Variants in SLC22A16 observed in about 807,000 individuals in gnomAD.
SLC22A16 encodes solute carrier family 22 member 16.
Under a neutral mutation model 52.9 loss-of-function variants are expected in SLC22A16, and 53 were observed. That is an observed-to-expected ratio of 1.00 (90% CI 0.80 to 1.26). The LOEUF (loss-of-function observed/expected upper bound fraction) is 1.26. SLC22A16 is among the 50% of genes most tolerant of loss of function. SLC22A16 has a pLI of 0.00. For missense variants in SLC22A16, 726 were observed against 704.0 expected (o/e 1.03, Z -0.35); for synonymous variants, 291 against 268.8 (o/e 1.08, Z -0.81).
rs549268080 is a variant in SLC22A16, at chr6:110,446,906, G to T, written c.618C>A (p.Tyr206Ter). Reference protein sequence around the residue: ...GIAAAFAVDYYTFMAARFFLA... With the variant: ...GIAAAFAVDY ...GAAAAAAGCGAGCAGCCATGAAGGT[G>T]TAATAATCAACTGCAAACGCCGCTG... Residue 206 changes from tyrosine to a stop codon, truncating the protein, a stop_gained, in exon 3 of 8, where the codon TAC (tyrosine) becomes TAA (stop). Coordinates refer to ENST00000368919, the MANE Select transcript of SLC22A16 (RefSeq NM_033125.4). LOFTEE classifies it high-confidence loss of function. The T allele has an allele frequency of 4.3e-6, 7 of 1,613,028 alleles. No homozygotes were observed. The Admixed American group carries it at 6.7e-5, about 15-fold the overall frequency.
chr6:110,453,811 C>A lies in SLC22A16; in HGVS notation c.533+2727G>T, dbSNP rs1226187385. On this transcript the variant is annotated intron_variant, in intron 2 of 7. Transcript: ENST00000368919. ...AAAGAGGTTTATTTAGCTCATAGTTCTGCAGGCTGGGAAGATCAAGGGTAC... is the reference window on the plus strand; with the variant it reads ...AAAGAGGTTTATTTAGCTCATAGTTATGCAGGCTGGGAAGATCAAGGGTAC... 12 of 420,940 alleles carry A rather than the reference C, an allele frequency of 2.9e-5. No individual in the cohort carries two copies. The East Asian group carries it at 8.5e-4, about 30-fold the overall frequency. The allele number at this position is 420,940 out of a possible 1,614,324, so 26.1% of individuals were successfully genotyped here. A position where few individuals can be genotyped will look rare whatever the true frequency, so the allele number is the denominator to read the frequency against.
chr6:110,473,875 T>C (rs948017417), intron 1 of SLC22A16, among the ~76,000 whole-genome samples: 1 of 151,934 alleles, frequency 6.6e-6, no homozygotes, highest in Non-Finnish European at 1.5e-5. Flanking sequence ...ATTCTAGAAA[T>C]GACCAATGAG....
intron 2 of SLC22A16, among the ~76,000 whole-genome samples, chr6:110,447,522 A>G (rs915931827): frequency 1.3e-5 from 2 of 152,254 alleles, no homozygotes; most frequent in Non-Finnish European, 2.9e-5. Flanking sequence ...TTCAAATGCC[A>G]TAAAATTCAA....
At chr6:110,444,995 T>G (rs1421345049) in intron 3 of SLC22A16, among the ~76,000 whole-genome samples, 1 of 152,170 alleles carries the variant, frequency 6.6e-6, no homozygotes, top group Non-Finnish European at 1.5e-5. Context: ...AGAAAATCCA[T>G]ATACAACTAA....
chr6:110,467,509 G>A (rs999946303), intron 1 of SLC22A16, among the ~76,000 whole-genome samples: 2 of 152,186 alleles, frequency 1.3e-5, no homozygotes, highest in Admixed American at 6.5e-5. Context: ...AGTCACTTTA[G>A]TATCTCCTGT....
chr6:110,426,773 A>G (rs2114870706), intron 7 of SLC22A16, among the ~76,000 whole-genome samples: 1 of 152,274 alleles, frequency 6.6e-6, no homozygotes, highest in South Asian at 2.1e-4. Flanking sequence ...CAACATGGTG[A>G]AACTCTGTCT....
chr6:110,429,972 C>T (rs78005951), intron 7 of SLC22A16, among the ~76,000 whole-genome samples: 3,005 of 151,966 alleles, frequency 0.02, 94 homozygotes, highest in African/African-American at 0.067. Flanking sequence ...GGAGGGGAAG[C>T]TGCATGAGGA....
In SLC22A16 at chr6:110,448,671, C is replaced by T. The variant is rs551398742; in HGVS notation, c.534-1681G>A. Among the ~76,000 whole-genome samples, 21 of 152,288 alleles carry T rather than the reference C, an allele frequency of 1.4e-4. 1 individual carries two copies. In the South Asian group the frequency reaches 3.7e-3, roughly 27 times the overall value. ...CTAAAACTATTTTTACCTATCACTG[C>T]TTGACCCTCTCTCCCACCTCAAACA... is the stretch of plus-strand genomic sequence containing the variant. On this transcript the variant is annotated intron_variant, in intron 2 of 7. Transcript: ENST00000368919.
At chr6:110,460,164 C>A (rs900080595) in intron 1 of SLC22A16, among the ~76,000 whole-genome samples, 1 of 152,172 alleles carries the variant, frequency 6.6e-6, no homozygotes, top group African/African-American at 2.4e-5. Context: ...GACCTGCCCA[C>A]CCCGCTGCAT....
intron 1 of SLC22A16, among the ~76,000 whole-genome samples, chr6:110,467,184 C>G (rs997354971): frequency 6.6e-6 from 1 of 152,116 alleles, no homozygotes; most frequent in African/African-American, 2.4e-5. Context: ...TCCTCTCTCT[C>G]TGCGTTTTTT....
intron 7 of SLC22A16, among the ~76,000 whole-genome samples, chr6:110,426,807 G>A (rs951185634): frequency 1.3e-5 from 2 of 151,866 alleles, no homozygotes; most frequent in Non-Finnish European, 2.9e-5. Flanking sequence ...AAAATTAGCC[G>A]GGCGAGGTGG....
chr6:110,456,232 A>T, intron 2 of SLC22A16: 1 of 314,166 alleles, frequency 3.2e-6, no homozygotes, highest in Non-Finnish European at 5.8e-6. Flanking sequence ...TAATCCTTTG[A>T]AGTAAGTGAT....
At chr6:110,457,308 G>A (rs1268383775) in intron 1 of SLC22A16, among the ~76,000 whole-genome samples, 1 of 152,122 alleles carries the variant, frequency 6.6e-6, no homozygotes, top group East Asian at 1.9e-4. Flanking sequence ...AGAAAAAGTG[G>A]CTGATTCTAA....
intron 2 of SLC22A16, among the ~76,000 whole-genome samples, chr6:110,454,629 T>TA (rs1775522746): frequency 4.0e-5 from 2 of 49,436 alleles, no homozygotes; most frequent in African/African-American, 2.2e-4. Flanking sequence ...ATAATATATA[T>TA]TTATATATAT....
chr6:110,469,763 A>G (rs1432309606), intron 1 of SLC22A16, among the ~76,000 whole-genome samples: 5 of 152,226 alleles, frequency 3.3e-5, no homozygotes, highest in South Asian at 4.1e-4. Flanking sequence ...TGTAAAATCA[A>G]GCACCTAGTT....
In SLC22A16 at chr6:110,431,287, G is replaced by A. The variant is rs376451444; in HGVS notation, c.1422-17C>T. On this transcript the variant is annotated splice_polypyrimidine_tract_variant and intron_variant, in intron 6 of 7. Transcript: ENST00000368919. The stretch of plus-strand genomic sequence containing the variant: ...GCCAGCGATCTGGAAACAGAGGAGA[G>A]AGGCTGAGACAAGTAAGGCACAAGT... 1.6e-4 allele frequency: 259 copies of A among 1,608,092 alleles called. 2 individuals carry two copies. The South Asian group carries it at 2.6e-3, about 16-fold the overall frequency.
chr6:110,474,491 G>A (rs767411518), intron 1 of SLC22A16, among the ~76,000 whole-genome samples: 2 of 152,214 alleles, frequency 1.3e-5, no homozygotes, highest in Non-Finnish European at 2.9e-5. Flanking sequence ...GCAGTGGTTT[G>A]TTACCCTTTT....
chr6:110,471,111 A>G (rs1006148894), intron 1 of SLC22A16, among the ~76,000 whole-genome samples: 2 of 152,234 alleles, frequency 1.3e-5, no homozygotes, highest in Admixed American at 6.5e-5. Context: ...GTTTCGGTCA[A>G]TGATGAACCA....
chr6:110,468,666 G>T (rs1776157166), intron 1 of SLC22A16, among the ~76,000 whole-genome samples: 2 of 147,650 alleles, frequency 1.4e-5, no homozygotes, highest in Admixed American at 6.8e-5. Context: ...AAAACAAAAT[G>T]GAGAAGAAGA....
Sources: allele counts gnomAD v4.1 joint callset (sites outside exome capture counted in the v4.1 genomes callset), GRCh38; gene constraint gnomAD v4.1.1; transcripts MANE v1.5; gene names NCBI Gene and HGNC (gene_info 2026-07-23, HGNC 2026-07-21).